The following USP53 variants were observed in gnomAD, a reference collection of about 807,000 sequenced individuals.
The protein encoded by USP53 is ubiquitin specific peptidase 53.
In USP53, 71 loss-of-function variants were observed where a neutral mutation model predicts 94.9. That is an observed-to-expected ratio of 0.75 (90% CI 0.62 to 0.91). USP53 has a LOEUF of 0.91. USP53 is among the 40% of genes least tolerant of loss of function. The pLI is 0.00. For missense variants in USP53, 1,173 were observed against 1,281.0 expected, an observed-to-expected ratio of 0.92 and a Z score of 1.29; for synonymous variants, 375 against 422.7, an observed-to-expected ratio of 0.89 and a Z score of 1.39.
chr4:119,245,463 A>T lies in USP53; in HGVS notation c.237+34A>T, dbSNP rs770027872. 10 of 1,588,150 alleles carry T rather than the reference A, an allele frequency of 6.3e-6. No individual in the cohort carries two copies. The East Asian group carries it at 2.2e-4, about 36-fold the overall frequency. On this transcript the variant is annotated intron_variant, in intron 6 of 18. Coordinates refer to ENST00000692078, the MANE Select transcript of USP53 (RefSeq NM_001371395.1). ...TTAATAGCTCTGAAAAACTACTATC[A>T]ATTGTTCCTTCAAAAATTTAAGTTT...
intron 17 of USP53, among the ~76,000 whole-genome samples, chr4:119,288,763 C>A (rs1754388886): frequency 1.3e-5 from 2 of 151,810 alleles, no homozygotes; most frequent in African/African-American, 4.8e-5. Flanking sequence ...ATGAAGAAAC[C>A]CCGTCTCTAC....
intron 7 of USP53, among the ~76,000 whole-genome samples, chr4:119,253,581 C>T (rs1376763758): frequency 6.6e-6 from 1 of 152,090 alleles, no homozygotes; most frequent in Non-Finnish European, 1.5e-5. Flanking sequence ...GTAGATCTTC[C>T]TCCATCCCTT....
rs778288035 is a variant in USP53 at position 119,271,741 on chromosome 4, T to C, written c.1881T>C (p.Asn627=). The change falls in exon 16 of 19, where the codon AAT becomes AAC. Residue 627 remains asparagine (N), a synonymous_variant. Coordinates refer to ENST00000692078, the MANE Select transcript of USP53 (RefSeq NM_001371395.1). ...CTAGCAAGGATCCGAGTTTTAGTAA[T>C]TGGCCAAAAGAGAATCCAAAGCAAA... is the stretch of plus-strand genomic sequence containing the variant. The part of the protein sequence containing the change: ...PKSSKDPSFS[N]WPKENPKQKG... The C allele has an allele frequency of 6.2e-7, 1 of 1,614,032 alleles. No homozygotes were observed. The highest frequency in any genetic ancestry group is 1.1e-5 in the South Asian group (1 of 91,040).
At chr4:119,226,677 A>AT (rs932927533) in intron 3 of USP53, among the ~76,000 whole-genome samples, 16 of 152,006 alleles carry the variant, frequency 1.1e-4, no homozygotes, top group East Asian at 5.8e-4. Flanking sequence ...GACGTTATTT[A>AT]TTTTTTTTGA....
intron 12 of USP53, among the ~76,000 whole-genome samples, chr4:119,263,898 C>T (rs752623448): frequency 2.1e-4 from 32 of 152,148 alleles, no homozygotes; most frequent in Non-Finnish European, 3.5e-4. Flanking sequence ...GGTGAAACCC[C>T]GTCTCTTCTA....
At chr4:119,265,545 C>A (rs750087210) in intron 12 of USP53, among the ~76,000 whole-genome samples, 3 of 152,098 alleles carry the variant, frequency 2.0e-5, no homozygotes, top group African/African-American at 7.2e-5. Context: ...GTGGCACATG[C>A]CTGTAATCCC....
intron 7 of USP53, among the ~76,000 whole-genome samples, chr4:119,254,707 C>T (rs186657436): frequency 1.3e-5 from 2 of 152,324 alleles, no homozygotes; most frequent in East Asian, 3.9e-4. Flanking sequence ...TACTGACCTT[C>T]TGAAGCCTAC....
At chr4:119,221,663 C>T (rs565875647) in intron 3 of USP53, among the ~76,000 whole-genome samples, 55 of 152,108 alleles carry the variant, frequency 3.6e-4, no homozygotes, top group Admixed American at 7.9e-4. Context: ...CTTGAGCCTT[C>T]GAGGAGAATA....
chr4:119,259,264 GA>G (rs1750162292), intron 9 of USP53, among the ~76,000 whole-genome samples: 1 of 134,480 alleles, frequency 7.4e-6, no homozygotes, highest in Non-Finnish European at 1.5e-5. Flanking sequence ...CTGGGCGATA[GA>G]GTGAGACCCC....
intron 9 of USP53, among the ~76,000 whole-genome samples, chr4:119,257,363 C>T (rs1396814182): frequency 6.6e-6 from 1 of 152,164 alleles, no homozygotes; most frequent in Non-Finnish European, 1.5e-5. Context: ...TTGCTTGATC[C>T]TGGGAGGTGG....
chr4:119,213,761 C>T (rs1743293421), intron 1 of USP53, among the ~76,000 whole-genome samples: 1 of 150,378 alleles, frequency 6.6e-6, no homozygotes, highest in South Asian at 2.1e-4. Context: ...ACCTGTAGTC[C>T]CAGCTACTCG....
chr4:119,237,358 G>A (rs1192650716), intron 4 of USP53, among the ~76,000 whole-genome samples: 2 of 152,084 alleles, frequency 1.3e-5, no homozygotes, highest in Non-Finnish European at 2.9e-5. Context: ...CCTAATAAGA[G>A]AGTCAGCCTG....
At position 119,241,689 on chromosome 4, in the gene USP53, T is replaced by C. The variant is rs980836981; in HGVS notation, c.144+1786T>C. The stretch of plus-strand genomic sequence containing the variant: ...AGCAATTTAATGATGTTTCTTGATA[T>C]AGGTTTCTTCATGTTTCTTGTGTTT... On this transcript the variant is annotated intron_variant, in intron 5 of 18. Coordinates refer to ENST00000692078, the MANE Select transcript of USP53 (RefSeq NM_001371395.1). Among the ~76,000 whole-genome samples, 4 of 152,306 alleles carry C rather than the reference T, an allele frequency of 2.6e-5. 1 individual carries two copies. In the East Asian group the frequency reaches 7.7e-4, roughly 29 times the overall value.
intron 9 of USP53, 101 bp from the exon 10 acceptor site, chr4:119,259,719 A>G: frequency 8.1e-6 from 6 of 741,300 alleles, no homozygotes; most frequent in Non-Finnish European, 1.3e-5. Context: ...TGTTTTAGAT[A>G]GAAAAAGTGA....
intron 9 of USP53, among the ~76,000 whole-genome samples, chr4:119,258,829 G>A (rs1750099251): frequency 1.3e-5 from 2 of 152,204 alleles, no homozygotes; most frequent in South Asian, 2.1e-4. Flanking sequence ...AATTTTGGGA[G>A]CTACAATTCA....
At chr4:119,284,265 GT>G (rs1330587047) in intron 17 of USP53, among the ~76,000 whole-genome samples, 3 of 151,100 alleles carry the variant, frequency 2.0e-5, no homozygotes, top group Non-Finnish European at 4.4e-5. Flanking sequence ...AAAGGGCCAT[GT>G]TTGTAACTTA....
In USP53 at chr4:119,213,670, G is replaced by GTGTGTGTGTGTGTGTGTGTGTGTGTA. The variant is rs1553962030; in HGVS notation, c.-941-397_-941-396insGTGTGTGTGTGTGTGTGTGTGTATGT. Among the ~76,000 whole-genome samples, 135 of 120,388 alleles carry GTGTGTGTGTGTGTGTGTGTGTGTGTA rather than the reference G, an allele frequency of 1.1e-3. 1 individual carries two copies. Among genetic ancestry groups the GTGTGTGTGTGTGTGTGTGTGTGTGTA allele is most frequent in the South Asian group, 2.2e-3 (8 of 3,720 alleles). 79.0% of individuals were successfully genotyped at this position (120,388 alleles called of 152,430 possible). On this transcript the variant is annotated intron_variant, in intron 1 of 18. Coordinates refer to ENST00000692078, the MANE Select transcript of USP53 (RefSeq NM_001371395.1). ...TATATATATATATATATGTGTGTGT[G>GTGTGTGTGTGTGTGTGTGTGTGTGTA]TGTATGTATGTATGTATAAATATAT...
chr4:119,289,045 C>T (rs137855426), intron 17 of USP53, among the ~76,000 whole-genome samples: 1 of 151,944 alleles, frequency 6.6e-6, no homozygotes, highest in East Asian at 1.9e-4. Context: ...GTTACTATCA[C>T]CATAGATACT....
intron 17 of USP53, among the ~76,000 whole-genome samples, chr4:119,287,435 A>G (rs996807390): frequency 6.6e-6 from 1 of 152,112 alleles, no homozygotes; most frequent in Non-Finnish European, 1.5e-5. Flanking sequence ...GCAGAGCCTG[A>G]TCATAATCAA....
Sources: allele counts gnomAD v4.1 joint callset (sites outside exome capture counted in the v4.1 genomes callset), GRCh38; gene constraint gnomAD v4.1.1; transcripts MANE v1.5; gene names NCBI Gene and HGNC (gene_info 2026-07-23, HGNC 2026-07-21).